NRXN3: variants seen among roughly 807,000 people sequenced by gnomAD.
NRXN3 encodes neurexin 3.
In NRXN3, 32 loss-of-function variants were observed where a neutral mutation model predicts 137.6. That is an observed-to-expected ratio of 0.23 (90% confidence interval 0.18 to 0.31). NRXN3 has a LOEUF of 0.31. NRXN3 is among the 10% of genes least tolerant of loss of function. NRXN3 has a pLI of 1.00. For synonymous variants in NRXN3, 798 were observed against 784.5 expected (o/e 1.02, Z -0.29); for missense variants, 1,574 against 2,062.5 (o/e 0.76, Z 4.59).
chr14:78,584,970 T>G (rs2097046672), intron 4 of NRXN3, among the ~76,000 whole-genome samples: 1 of 152,328 alleles, frequency 6.6e-6, no homozygotes, highest in South Asian at 2.1e-4. Flanking sequence ...ATAACAGGCA[T>G]AGCATTAGCT....
chr14:79,042,514 T>C (rs1288774725), intron 15 of NRXN3, among the ~76,000 whole-genome samples: 1 of 152,228 alleles, frequency 6.6e-6, no homozygotes, highest in Non-Finnish European at 1.5e-5. Context: ...TCTGACTCCA[T>C]AAATCATACT....
At chr14:78,752,038 G>C (rs1457398251) in intron 8 of NRXN3, among the ~76,000 whole-genome samples, 1 of 152,154 alleles carries the variant, frequency 6.6e-6, no homozygotes, top group Admixed American at 6.5e-5. Context: ...GTCACCAATG[G>C]CAAGTGTTCG....
intron 19 of NRXN3, among the ~76,000 whole-genome samples, chr14:79,707,582 G>A (rs551763699): frequency 1.2e-4 from 19 of 152,208 alleles, no homozygotes; most frequent in East Asian, 9.7e-4. Context: ...AAATGGGTGC[G>A]GCTCAAAGAT....
intron 19 of NRXN3, among the ~76,000 whole-genome samples, chr14:79,741,006 C>T (rs895510500): frequency 6.6e-6 from 1 of 151,804 alleles, no homozygotes; most frequent in Non-Finnish European, 1.5e-5. Context: ...TATCTTATCT[C>T]TTAAAATAGA....
rs58120591 is a variant in NRXN3 at position 78,589,222 on chromosome 14, C to A, written c.758-55898C>A. Reference sequence around the variant, plus strand: ...TCAGCAGTGAGCAGATACAGGAGCCCTCAAGAAGCTCTGCAAAAGCCTACC... The same window carrying A: ...TCAGCAGTGAGCAGATACAGGAGCCATCAAGAAGCTCTGCAAAAGCCTACC... On this transcript the variant is annotated intron_variant, in intron 4 of 20. Transcript: ENST00000335750. Among the ~76,000 whole-genome samples, 183 of 152,254 alleles carry A rather than the reference C, an allele frequency of 1.2e-3. 1 individual carries two copies. Among genetic ancestry groups the A allele is most frequent in the African/African-American group, 4.3e-3 (178 of 41,558 alleles).
intron 2 of NRXN3, among the ~76,000 whole-genome samples, chr14:78,249,842 G>A (rs12588595): frequency 0.22 from 33,087 of 151,960 alleles, 4,088 homozygotes; most frequent in Middle Eastern, 0.33. Flanking sequence ...TGAACCCCCC[G>A]TTTGGCATAG....
chr14:79,320,672 T>A (rs368090951), intron 15 of NRXN3, among the ~76,000 whole-genome samples: 2 of 152,164 alleles, frequency 1.3e-5, no homozygotes, highest in Admixed American at 6.6e-5. Flanking sequence ...AGAAAAAGGG[T>A]ATCTGTGGGA....
At chr14:79,548,760 AAC>A (rs1243603943) in intron 16 of NRXN3, among the ~76,000 whole-genome samples, 1 of 149,808 alleles carries the variant, frequency 6.7e-6, no homozygotes, top group Non-Finnish European at 1.5e-5. Flanking sequence ...AAAAAAAAAA[AAC>A]AAAAAAAATC....
At chr14:79,556,450 CAT>C (rs1488685296) in intron 16 of NRXN3, among the ~76,000 whole-genome samples, 1 of 152,134 alleles carries the variant, frequency 6.6e-6, no homozygotes, top group Non-Finnish European at 1.5e-5. Context: ...AAACAAAAAA[CAT>C]ATAATTCCAT....
At chr14:78,351,569 C>T (rs890924246) in intron 4 of NRXN3, among the ~76,000 whole-genome samples, 1 of 152,048 alleles carries the variant, frequency 6.6e-6, no homozygotes, top group Non-Finnish European at 1.5e-5. Flanking sequence ...AAAGAAAGAG[C>T]AACTTTTTAT....
chr14:79,773,690 A>G (rs1231331691), intron 19 of NRXN3, among the ~76,000 whole-genome samples: 1 of 151,706 alleles, frequency 6.6e-6, no homozygotes, highest in Non-Finnish European at 1.5e-5. Context: ...ACGATGAGTT[A>G]GTGGGCACAG....
intron 4 of NRXN3, among the ~76,000 whole-genome samples, chr14:78,389,928 A>G (rs139419036): frequency 5.9e-5 from 9 of 152,228 alleles, no homozygotes; most frequent in African/African-American, 1.7e-4. Flanking sequence ...AAAATTACTT[A>G]TATTTGCTTT....
At chr14:78,521,510 C>T (rs540505354) in intron 4 of NRXN3, among the ~76,000 whole-genome samples, 2 of 152,144 alleles carry the variant, frequency 1.3e-5, no homozygotes, top group South Asian at 4.2e-4. Flanking sequence ...GCCTGAAGCC[C>T]AGGGTTAATT....
chr14:79,353,691 T>C (rs1387706672), intron 15 of NRXN3, among the ~76,000 whole-genome samples: 1 of 152,198 alleles, frequency 6.6e-6, no homozygotes, highest in Non-Finnish European at 1.5e-5. Flanking sequence ...GACATATTGC[T>C]GGGTGCTTTG....
At chr14:78,317,770 C>T (rs982996885) in intron 4 of NRXN3, among the ~76,000 whole-genome samples, 4 of 152,178 alleles carry the variant, frequency 2.6e-5, no homozygotes, top group South Asian at 4.2e-4. Flanking sequence ...AATTACACTT[C>T]ACAAGTCTAC....
intron 4 of NRXN3, among the ~76,000 whole-genome samples, chr14:78,519,012 A>G (rs889901197): frequency 3.3e-5 from 5 of 152,164 alleles, no homozygotes; most frequent in Admixed American, 2.0e-4. Context: ...CCTCTAGCCT[A>G]TAAAGAAATA....
chr14:79,232,087 C>T (rs1347182912), intron 15 of NRXN3, among the ~76,000 whole-genome samples: 5 of 152,104 alleles, frequency 3.3e-5, no homozygotes, highest in Non-Finnish European at 7.4e-5. Flanking sequence ...GAGGTAAAAA[C>T]TGAGGCTAAA....
chr14:78,202,808 C>T (rs1169385256), intron 1 of NRXN3, among the ~76,000 whole-genome samples: 1 of 152,152 alleles, frequency 6.6e-6, no homozygotes, highest in East Asian at 1.9e-4. Flanking sequence ...GTGTGCTAGA[C>T]TCAGGTTTGT....
At chr14:79,197,513 G>A (rs1000577898) in intron 15 of NRXN3, among the ~76,000 whole-genome samples, 3 of 151,062 alleles carry the variant, frequency 2.0e-5, no homozygotes, top group African/African-American at 7.3e-5. Context: ...CTTATCTACT[G>A]TTTTTTCTTC....
Sources: allele counts gnomAD v4.1 joint callset (sites outside exome capture counted in the v4.1 genomes callset), GRCh38; gene constraint gnomAD v4.1.1; transcripts MANE v1.5; gene names NCBI Gene and HGNC (gene_info 2026-07-23, HGNC 2026-07-21).